Variants in LMO7 observed in about 807,000 individuals in gnomAD.
LMO7 encodes LIM domain only protein 7.
A neutral mutation model predicts 206.5 loss-of-function variants in LMO7; 120 were observed. The ratio of observed to expected loss-of-function variants is 0.58; its 90% CI spans 0.50 to 0.68. LMO7 has a LOEUF of 0.68. Among genes scored for constraint, LMO7 ranks in the 30% least tolerant of loss-of-function variants. The probability of loss-of-function intolerance (pLI) is 0.00; values close to 1 mark genes in which losing one functional copy is unlikely to be tolerated. For missense variants in LMO7, 1,959 were observed against 1,957.9 expected (o/e 1.00, Z -0.01); for synonymous variants, 706 against 681.5 (o/e 1.04, Z -0.56).
chr13:75,749,876 A>T (rs1003911710), intron 3 of LMO7, among the ~76,000 whole-genome samples: 3 of 151,876 alleles, frequency 2.0e-5, no homozygotes, highest in Admixed American at 2.0e-4. Flanking sequence ...GAAAAATTTT[A>T]AAAAATGGCT....
chr13:75,663,149 C>G (rs931975999), intron 1 of LMO7, among the ~76,000 whole-genome samples: 1 of 151,666 alleles, frequency 6.6e-6, no homozygotes, highest in Non-Finnish European at 1.5e-5. Context: ...ATAAATCTCT[C>G]TCTCTATAAA....
rs1203086138 is a variant in LMO7 at position 75,804,320 on chromosome 13, A to G, written c.693A>G (p.Thr231=). 3 of 1,613,348 alleles carry G rather than the reference A, an allele frequency of 1.9e-6. No individual in the cohort carries two copies. The highest frequency in any genetic ancestry group is 1.3e-5 in the African/African-American group (1 of 74,932). The change falls in exon 8 of 31, where the codon ACA becomes ACG. Residue 231 remains threonine (T), a synonymous_variant. Transcript: ENST00000377534. ...GFESDTDSEF[T]FKMQDYNKDD... ...AAAGTGACACAGATTCGGAATTTACATTTAAGATGCAGGATTATAATAAAG... is the reference window on the plus strand; with the variant it reads ...AAAGTGACACAGATTCGGAATTTACGTTTAAGATGCAGGATTATAATAAAG...
chr13:75,843,154 C>A (rs140620341), intron 25 of LMO7, among the ~76,000 whole-genome samples: 6 of 152,190 alleles, frequency 3.9e-5, no homozygotes, highest in African/African-American at 1.4e-4. Context: ...CCTTGGGCAG[C>A]CTTTTAGTTG....
intron 20 of LMO7, 117 bp from the exon 21 acceptor site, chr13:75,839,968 C>A: frequency 1.1e-6 from 1 of 878,758 alleles, no homozygotes; most frequent in South Asian, 1.7e-5. Context: ...AAAACATTGT[C>A]ACTTAGTATA....
chr13:75,807,377 G>A, intron 9 of LMO7, 103 bp from the exon 10 acceptor site: 1 of 1,178,402 alleles, frequency 8.5e-7, no homozygotes. Context: ...CTCAGTAACT[G>A]GCTAGTTGGT....
At chr13:75,840,556 C>T in intron 22 of LMO7, 61 bp downstream of exon 22, 4 of 1,579,626 alleles carry the variant, frequency 2.5e-6, no homozygotes, top group South Asian at 2.3e-5. Context: ...TTTCTCCAGT[C>T]TGTCAACCAG....
chr13:75,706,420 TA>T (rs2042658473), intron 1 of LMO7, among the ~76,000 whole-genome samples: 1 of 152,234 alleles, frequency 6.6e-6, no homozygotes, highest in Non-Finnish European at 1.5e-5. Context: ...AGTTGCTAAT[TA>T]AAAAATCAGA....
At chr13:75,630,323 C>T (rs928136674) in intron 2 of LMO7, among the ~76,000 whole-genome samples, 1 of 152,148 alleles carries the variant, frequency 6.6e-6, no homozygotes, top group East Asian at 1.9e-4. Flanking sequence ...ATATACATGT[C>T]TTTTGTAAAA....
At chr13:75,752,636 A>G (rs2047366180) in intron 3 of LMO7, among the ~76,000 whole-genome samples, 1 of 151,914 alleles carries the variant, frequency 6.6e-6, no homozygotes, top group Non-Finnish European at 1.5e-5. Context: ...TTCACACTCT[A>G]CTTCCATTTG....
At chr13:75,654,811 T>C (rs2037891507) in intron 1 of LMO7, among the ~76,000 whole-genome samples, 2 of 152,170 alleles carry the variant, frequency 1.3e-5, no homozygotes, top group South Asian at 4.1e-4. Context: ...CTTATACTTA[T>C]TTTTCAAATA....
At chr13:75,833,229 G>A in intron 16 of LMO7, 64 bp downstream of exon 16, 1 of 971,986 alleles carries the variant, frequency 1.0e-6, no homozygotes, top group Non-Finnish European at 1.7e-6. Flanking sequence ...TGTGGGGTTG[G>A]GGACCACAGA....
At position 75,682,231 on chromosome 13, in the gene LMO7, T is replaced by C. The variant is rs145530896; in HGVS notation, c.70-30951T>C. On this transcript the variant is annotated intron_variant, in intron 1 of 30. Coordinates refer to ENST00000377534, the MANE Select transcript of LMO7 (RefSeq NM_001306080.2). ...TATGCAGTAGTGGTTTTAATCTGCA[T>C]TTACCTAATGACTTAATTGTTAAGT... 9.7e-4 allele frequency among the ~76,000 whole-genome samples: 147 copies of C among 152,312 alleles called. 1 individual carries two copies. Among genetic ancestry groups the C allele is most frequent in the African/African-American group, 3.5e-3 (145 of 41,556 alleles).
At chr13:75,634,667 C>T (rs1290024249), upstream of LMO7, among the ~76,000 whole-genome samples, 1 of 151,878 alleles carries the variant, frequency 6.6e-6, no homozygotes, top group Non-Finnish European at 1.5e-5. Flanking sequence ...GGCGTGGACC[C>T]GGGAGGCGGA....
At chr13:75,706,463 T>C (rs1298203706) in intron 1 of LMO7, among the ~76,000 whole-genome samples, 1 of 152,216 alleles carries the variant, frequency 6.6e-6, no homozygotes, top group Non-Finnish European at 1.5e-5. Flanking sequence ...GAGTAGCTAG[T>C]ATGTGCAGTA....
chr13:75,748,937 GAGTA>G (rs1237057036), intron 3 of LMO7, among the ~76,000 whole-genome samples: 1 of 151,684 alleles, frequency 6.6e-6, no homozygotes, highest in Non-Finnish European at 1.5e-5. Flanking sequence ...TCAGCCTCTG[GAGTA>G]GCTGGGACTA....
chr13:75,808,324 G>A (rs1443555534), intron 10 of LMO7, 125 bp downstream of exon 10: 13 of 1,128,212 alleles, frequency 1.2e-5, no homozygotes, highest in South Asian at 3.4e-5. Flanking sequence ...GAAGCATCCC[G>A]TAAAATTTAA....
chr13:75,737,767 T>TA (rs1396304180), intron 3 of LMO7, among the ~76,000 whole-genome samples: 3 of 11,746 alleles, frequency 2.6e-4, no homozygotes, highest in East Asian at 3.5e-3. Context: ...AAAAAAAAAA[T>TA]AAAATAAAAT....
At chr13:75,695,993 G>T in intron 1 of LMO7, among the ~76,000 whole-genome samples, 1 of 152,214 alleles carries the variant, frequency 6.6e-6, no homozygotes, top group East Asian at 1.9e-4. Context: ...GCAGTACTCA[G>T]AATGTGCCAG....
chr13:75,764,248 C>T (rs150438364), intron 4 of LMO7, among the ~76,000 whole-genome samples: 21 of 152,140 alleles, frequency 1.4e-4, no homozygotes, highest in African/African-American at 2.2e-4. Context: ...AGATCTACCC[C>T]GATCTGAGGC....
Sources: allele counts gnomAD v4.1 joint callset (sites outside exome capture counted in the v4.1 genomes callset), GRCh38; gene constraint gnomAD v4.1.1; transcripts MANE v1.5; gene names NCBI Gene and HGNC (gene_info 2026-07-23, HGNC 2026-07-21).